The following GPSM1 variants were observed in gnomAD, a reference collection of about 807,000 sequenced individuals.
GPSM1 encodes the protein G protein signaling modulator 1.
Under a neutral mutation model 70.5 loss-of-function variants are expected in GPSM1, and 48 were observed. That is an observed-to-expected ratio of 0.68 (90% CI 0.54 to 0.87). The LOEUF (loss-of-function observed/expected upper bound fraction) is 0.87, where lower values mean the gene tolerates loss of function less well. Among genes scored for constraint, GPSM1 ranks in the 40% least tolerant of loss-of-function variants. GPSM1 has a pLI of 0.00. For synonymous variants in GPSM1, 416 were observed against 430.1 expected (o/e 0.97, Z 0.41); for missense variants, 981 against 972.6 (o/e 1.01, Z -0.11).
At position 136,348,764 on chromosome 9, in the gene GPSM1, G is replaced by A. The variant is rs782503114; in HGVS notation, c.1275G>A (p.Glu425=). 47 of 1,609,918 alleles carry A rather than the reference G, an allele frequency of 2.9e-5. No individual in the cohort carries two copies. Among genetic ancestry groups the A allele is most frequent in the Middle Eastern group, 1.6e-4 (1 of 6,070 alleles). Residue 425 remains glutamate, a synonymous_variant, in exon 10 of 14, where the codon GAG becomes GAA. Coordinates refer to ENST00000440944, the MANE Select transcript of GPSM1 (RefSeq NM_001145638.3). ...ETWDLLRLPL[E]REQNGDSHHS... ...GGGACCTGCTGAGACTCCCCCTGGA[G>A]CGGGTGAGCCAGGGACACGGGACCG...
At position 136,341,076 on chromosome 9, in the gene GPSM1, A is replaced by C. The variant is rs1438473654; in HGVS notation, c.1207+83A>C. The C allele has an allele frequency of 1.9e-6, 3 of 1,550,608 alleles. No homozygotes were observed. The highest frequency in any genetic ancestry group is 1.7e-4 in the Middle Eastern group (1 of 5,926). On this transcript the variant is annotated intron_variant, in intron 9 of 13. Transcript: ENST00000440944. The surrounding 1 kb of genome is among the most constrained non-coding windows in gnomAD (Gnocchi z 6.7). ...GCTGCGGAGGGGTGGGATCGAGGCC[A>C]GGCCAGCATGGCGGAGGTGGCAGCC...
rs1832309809 is a variant in GPSM1 at position 136,338,633 on chromosome 9, C to T, written c.897C>T (p.Tyr299=). ...AQACYSLGNT[Y]TLLQDYERAA... is the part of the protein sequence containing the mutation. ...CCTGCTACAGTCTGGGCAACACCTA[C>T]ACGCTGCTGCAGGACTACGAGCGCG... Residue 299 remains tyrosine (Y), a synonymous_variant, in exon 7 of 14, where the codon TAC becomes TAT. Coordinates refer to ENST00000440944, the MANE Select transcript of GPSM1 (RefSeq NM_001145638.3). 6.2e-7 allele frequency: 1 copy of T among 1,607,170 alleles called. No homozygotes were observed. The highest frequency in any genetic ancestry group is 1.3e-5 in the African/African-American group (1 of 74,904).
At chr9:136,336,398 G>A (rs1398616377) in intron 3 of GPSM1, among the ~76,000 whole-genome samples, 2 of 152,204 alleles carry the variant, frequency 1.3e-5, no homozygotes, top group East Asian at 3.8e-4. Context: ...CTCCCTGGGG[G>A]GCCCAGCGGG....
rs532050085 is a variant in GPSM1 at position 136,336,763 on chromosome 9, C to T, written c.427-158C>T. 1.5e-4 allele frequency among the ~76,000 whole-genome samples: 23 copies of T among 152,270 alleles called. No individual in the cohort carries two copies. The South Asian group carries it at 4.4e-3, about 29-fold the overall frequency. ...AGGCTGGCTTCCCGGGTGTGCCGTCCTCAGGCTTCCGCCCCTGCCTTAGTG... is the reference window on the plus strand; with the variant it reads ...AGGCTGGCTTCCCGGGTGTGCCGTCTTCAGGCTTCCGCCCCTGCCTTAGTG... On this transcript the variant is annotated intron_variant, in intron 3 of 13. Coordinates refer to ENST00000440944, the MANE Select transcript of GPSM1 (RefSeq NM_001145638.3).
chr9:136,356,238 T>G (rs1183640640), intron 12 of GPSM1, 104 bp from the exon 13 acceptor site: 1 of 873,166 alleles, frequency 1.1e-6, no homozygotes, highest in African/African-American at 1.7e-5. Flanking sequence ...AGCAGCACAG[T>G]GGGCTGGGCT....
At chr9:136,349,473 C>T (rs1554771725) in intron 10 of GPSM1, 114 bp from the exon 11 acceptor site, 5 of 916,070 alleles carry the variant, frequency 5.5e-6, no homozygotes, top group Non-Finnish European at 8.2e-6. Context: ...GGGTACTGGG[C>T]ACCTACGGCG....
In GPSM1 at chr9:136,341,047, A is replaced by T; in HGVS notation, c.1207+54A>T. The T allele has an allele frequency of 6.4e-7, 1 of 1,556,612 alleles. No homozygotes were observed. Among genetic ancestry groups the T allele is most frequent in the Non-Finnish European group, 8.7e-7 (1 of 1,150,438 alleles). ...GCTCCCCACAGGCACGGACCGCATC[A>T]GGAGCTGCGGAGGGGTGGGATCGAG... is the stretch of plus-strand genomic sequence containing the variant. On this transcript the variant is annotated intron_variant, in intron 9 of 13. Coordinates refer to ENST00000440944, the MANE Select transcript of GPSM1 (RefSeq NM_001145638.3). The surrounding 1 kb of genome is among the most constrained non-coding windows in gnomAD (Gnocchi z 6.7).
At chr9:136,351,401 C>T (rs1309540266) in intron 11 of GPSM1, among the ~76,000 whole-genome samples, 1 of 152,116 alleles carries the variant, frequency 6.6e-6, no homozygotes, top group African/African-American at 2.4e-5. Context: ...CTGGCCCTGC[C>T]CTGTCCACAG....
intron 4 of GPSM1, 89 bp downstream of exon 4, chr9:136,337,161 C>T: frequency 1.6e-6 from 2 of 1,247,768 alleles, no homozygotes; most frequent in Non-Finnish European, 2.2e-6. Flanking sequence ...ACCCCAGCCC[C>T]ATACCTCCCG....
intron 10 of GPSM1, 74 bp downstream of exon 10, chr9:136,348,841 G>T: frequency 1.8e-6 from 2 of 1,100,370 alleles, no homozygotes; most frequent in Non-Finnish European, 1.4e-6. Context: ...ATGAGGCAGA[G>T]CCACCGCCAC....
At chr9:136,354,833 C>T in intron 11 of GPSM1, 1 of 997,938 alleles carries the variant, frequency 1.0e-6, no homozygotes, top group South Asian at 4.2e-5. Flanking sequence ...ACACAGGGAG[C>T]TCATGGCAGG....
intron 13 of GPSM1, 146 bp downstream of exon 13, chr9:136,356,696 G>A (rs1303422225): frequency 3.1e-6 from 2 of 638,074 alleles, no homozygotes; most frequent in South Asian, 2.0e-5. Flanking sequence ...CTCAGCCAGT[G>A]TCACCACATG....
At chr9:136,336,236 A>G (rs911809738) in intron 3 of GPSM1, 135 bp downstream of exon 3, 6 of 1,065,434 alleles carry the variant, frequency 5.6e-6, no homozygotes, top group Non-Finnish European at 8.1e-6. Flanking sequence ...TCGGTCCCCT[A>G]GATCCCGAGT....
intron 5 of GPSM1, 39 bp from the exon 6 acceptor site, chr9:136,337,806 GC>G: frequency 6.7e-7 from 1 of 1,491,874 alleles, no homozygotes; most frequent in East Asian, 2.3e-5. Flanking sequence ...AGGCCCCGGG[GC>G]TGCGCCATGA....
Position 136,338,865 on chromosome 9 carries a change from A to AGT in GPSM1, c.974+159_974+160dup, listed in dbSNP as rs559890957. ...CGCCACTGTGGGGACTGAGCCAGAC[A>AGT]GTGTGGACATTGGGCCGGCCACTGA... is the stretch of plus-strand genomic sequence containing the variant. On this transcript the variant is annotated intron_variant, in intron 7 of 13. Transcript: ENST00000440944. 8.6e-4 allele frequency among the ~76,000 whole-genome samples: 131 copies of AGT among 152,310 alleles called. No homozygotes were observed. In the East Asian group the frequency reaches 0.017, roughly 19 times the overall value.
intron 7 of GPSM1, among the ~76,000 whole-genome samples, chr9:136,339,050 T>TGGTGGCC (rs2131399780): frequency 6.6e-6 from 1 of 151,998 alleles, no homozygotes; most frequent in East Asian, 1.9e-4. Flanking sequence ...CTGGGGTGGG[T>TGGTGGCC]GGTGGCCGGA....
rs1160830373 is a variant in GPSM1 at position 136,356,287 on chromosome 9, G to T, written c.1613-55G>T. 1.3e-5 allele frequency: 18 copies of T among 1,335,402 alleles called. No homozygotes were observed. The Admixed American group carries it at 2.1e-4, about 15-fold the overall frequency. 82.7% of individuals were successfully genotyped at this position (1,335,402 alleles called of 1,614,324 possible). ...AGAGCTCACTGTGGCCGCAGCCCGAGCCTCGGGCTTGACCCCGCACTGGGT... is the reference window on the plus strand; with the variant it reads ...AGAGCTCACTGTGGCCGCAGCCCGATCCTCGGGCTTGACCCCGCACTGGGT... On this transcript the variant is annotated intron_variant, in intron 12 of 13. Coordinates refer to ENST00000440944, the MANE Select transcript of GPSM1 (RefSeq NM_001145638.3).
chr9:136,337,194 C>G, intron 4 of GPSM1, 122 bp downstream of exon 4: 3 of 1,064,022 alleles, frequency 2.8e-6, no homozygotes, highest in Non-Finnish European at 4.0e-6. Flanking sequence ...GCAGTGACGG[C>G]CAGGTCCGCC....
intron 1 of GPSM1, among the ~76,000 whole-genome samples, chr9:136,329,479 T>C (rs1337955608): frequency 6.6e-6 from 1 of 152,114 alleles, no homozygotes; most frequent in Admixed American, 6.5e-5. Context: ...AAGTCTCCTG[T>C]CTCCTGAAAC....
Sources: allele counts gnomAD v4.1 joint callset (sites outside exome capture counted in the v4.1 genomes callset), GRCh38; gene constraint gnomAD v4.1.1; non-coding constraint Gnocchi (gnomAD v3.1); transcripts MANE v1.5; gene names NCBI Gene and HGNC (gene_info 2026-07-23, HGNC 2026-07-21).